TSPAN18: variants seen among roughly 807,000 people sequenced by gnomAD.
TSPAN18 encodes the protein tetraspanin 18.
TSPAN18 carries 14 observed loss-of-function variants against 27.3 expected under a neutral mutation model. That is an observed-to-expected ratio of 0.51 (90% CI 0.34 to 0.80). The LOEUF (loss-of-function observed/expected upper bound fraction) is 0.80. Ranked by LOEUF, TSPAN18 falls within the 30% of genes least tolerant of loss-of-function variation. The pLI is 0.01. For synonymous variants in TSPAN18, 143 were observed against 136.5 expected (o/e 1.05, Z -0.33); for missense variants, 268 against 323.9 (o/e 0.83, Z 1.32).
At chr11:44,894,634 C>T (rs534428624) in intron 3 of TSPAN18, among the ~76,000 whole-genome samples, 69 of 152,362 alleles carry the variant, frequency 4.5e-4, no homozygotes, top group Middle Eastern at 3.4e-3. Flanking sequence ...AGGGGTCCGC[C>T]GAGGAAAGCC....
intron 2 of TSPAN18, among the ~76,000 whole-genome samples, chr11:44,848,000 A>G (rs571877233): frequency 1.8e-3 from 58 of 33,028 alleles, no homozygotes; most frequent in Admixed American, 4.2e-3. Flanking sequence ...TGGCTGGCTA[A>G]TTTTTAGTAT....
At chr11:44,897,709 T>C (rs1386585477) in intron 3 of TSPAN18, 4 of 1,240,984 alleles carry the variant, frequency 3.2e-6, no homozygotes, top group Non-Finnish European at 4.2e-6. Flanking sequence ...CTGCTCTTTA[T>C]TGACTTCCTG....
chr11:44,740,157 C>G (rs1854898539), intron 1 of TSPAN18, among the ~76,000 whole-genome samples: 1 of 152,190 alleles, frequency 6.6e-6, no homozygotes, highest in African/African-American at 2.4e-5. Flanking sequence ...CCTATCTCTG[C>G]TTTGTCCCCG....
intron 2 of TSPAN18, among the ~76,000 whole-genome samples, chr11:44,783,694 G>C (rs1010037967): frequency 1.3e-5 from 2 of 152,184 alleles, no homozygotes; most frequent in Non-Finnish European, 2.9e-5. Context: ...ACCGCGCCCG[G>C]CCTCCCAAGA....
At chr11:44,874,824 A>C (rs962044123) in intron 3 of TSPAN18, among the ~76,000 whole-genome samples, 1 of 152,210 alleles carries the variant, frequency 6.6e-6, no homozygotes, top group Non-Finnish European at 1.5e-5. Context: ...TCCAGCCCTC[A>C]ACAGCATGGA....
intron 3 of TSPAN18, among the ~76,000 whole-genome samples, chr11:44,879,829 A>C (rs1160327001): frequency 6.6e-6 from 1 of 152,236 alleles, no homozygotes; most frequent in Non-Finnish European, 1.5e-5. Flanking sequence ...CCAGATGGCA[A>C]AGCGGACGAA....
At chr11:44,733,816 C>A (rs567302496) in intron 1 of TSPAN18, among the ~76,000 whole-genome samples, 1 of 152,180 alleles carries the variant, frequency 6.6e-6, no homozygotes, top group Non-Finnish European at 1.5e-5. Flanking sequence ...ACCTGCAGCT[C>A]CCATCCACCT....
intron 3 of TSPAN18, among the ~76,000 whole-genome samples, chr11:44,869,950 G>T (rs1005840462): frequency 1.3e-5 from 2 of 152,186 alleles, no homozygotes; most frequent in East Asian, 1.9e-4. Context: ...CCTGAAACTG[G>T]CAGTGACTTC....
intron 2 of TSPAN18, among the ~76,000 whole-genome samples, chr11:44,772,752 C>G (rs112478483): frequency 0.075 from 11,384 of 152,184 alleles, 638 homozygotes; most frequent in African/African-American, 0.16. Context: ...TCCGCCTCCC[C>G]GGTTCAAGTG....
intron 2 of TSPAN18, among the ~76,000 whole-genome samples, chr11:44,848,019 G>T (rs1857520402): frequency 6.6e-6 from 1 of 151,830 alleles, no homozygotes; most frequent in Non-Finnish European, 1.5e-5. Flanking sequence ...ATTTTTAGTA[G>T]AGATAGGGGT....
At chr11:44,860,781 C>A (rs577619785) in intron 3 of TSPAN18, among the ~76,000 whole-genome samples, 1 of 152,276 alleles carries the variant, frequency 6.6e-6, no homozygotes, top group East Asian at 1.9e-4. Context: ...TCAAGCTCAA[C>A]TGGGGAAGGG....
intron 2 of TSPAN18, among the ~76,000 whole-genome samples, chr11:44,800,340 C>A (rs552016096): frequency 2.6e-5 from 4 of 152,276 alleles, no homozygotes; most frequent in African/African-American, 9.6e-5. Flanking sequence ...TTGCCAGAGG[C>A]CCCAGAGCTG....
At chr11:44,806,303 G>A (rs1856592752) in intron 2 of TSPAN18, among the ~76,000 whole-genome samples, 2 of 152,146 alleles carry the variant, frequency 1.3e-5, no homozygotes, top group South Asian at 4.1e-4. Context: ...CCAAAGTGCT[G>A]GGATTACAGG....
intron 2 of TSPAN18, among the ~76,000 whole-genome samples, chr11:44,857,236 C>T (rs965501066): frequency 1.3e-5 from 2 of 152,238 alleles, no homozygotes; most frequent in Admixed American, 1.3e-4. Context: ...AGAACTACCA[C>T]TCTGTTGGTG....
At position 44,857,565 on chromosome 11, in the gene TSPAN18, T is replaced by C. The variant is rs1857769501; in HGVS notation, c.-152-2763T>C. 2.0e-5 allele frequency among the ~76,000 whole-genome samples: 3 copies of C among 152,292 alleles called. No homozygotes were observed. The Middle Eastern group carries it at 0.01, about 518-fold the overall frequency. On this transcript the variant is annotated intron_variant, in intron 2 of 9. Transcript: ENST00000520358. Reference sequence around the variant, plus strand: ...GTGAAGGAGACAGAACCAGGGAAAATGCCAGGCCAGGCCTCCACGAGAGGG... The same window carrying C: ...GTGAAGGAGACAGAACCAGGGAAAACGCCAGGCCAGGCCTCCACGAGAGGG...
intron 2 of TSPAN18, among the ~76,000 whole-genome samples, chr11:44,768,052 T>C (rs1855609785): frequency 6.6e-6 from 1 of 152,246 alleles, no homozygotes; most frequent in African/African-American, 2.4e-5. Flanking sequence ...TCCAACATTG[T>C]TCTTCTCTTT....
chr11:44,757,408 G>A (rs983361983), intron 1 of TSPAN18, among the ~76,000 whole-genome samples: 4 of 151,896 alleles, frequency 2.6e-5, no homozygotes, highest in African/African-American at 9.7e-5. Context: ...ATTTGAGACA[G>A]GGTCTCATTC....
intron 4 of TSPAN18, among the ~76,000 whole-genome samples, chr11:44,908,512 T>C (rs945569265): frequency 1.4e-4 from 22 of 151,976 alleles, no homozygotes; most frequent in Admixed American, 8.5e-4. Context: ...GGCAGGAGGA[T>C]CACTTGAGCC....
chr11:44,859,904 A>G (rs1394718403), intron 2 of TSPAN18, among the ~76,000 whole-genome samples: 1 of 152,212 alleles, frequency 6.6e-6, no homozygotes, highest in Non-Finnish European at 1.5e-5. Context: ...GGCATGGAGC[A>G]TCCCAGGAAT....
Sources: allele counts gnomAD v4.1 joint callset (sites outside exome capture counted in the v4.1 genomes callset), GRCh38; gene constraint gnomAD v4.1.1; transcripts MANE v1.5; gene names NCBI Gene and HGNC (gene_info 2026-07-23, HGNC 2026-07-21).